Variants in SPRY4 observed in about 807,000 individuals in gnomAD.
The protein encoded by SPRY4 is protein sprouty homolog 4.
In SPRY4, 7 loss-of-function variants were observed where a neutral mutation model predicts 17.0. That is an observed-to-expected ratio of 0.41 (90% confidence interval 0.23 to 0.77). SPRY4 has a LOEUF of 0.77. Among genes scored for constraint, SPRY4 ranks in the 30% least tolerant of loss-of-function variants. The probability of loss-of-function intolerance (pLI) is 0.32; values close to 1 mark genes in which losing one functional copy is unlikely to be tolerated. For synonymous variants in SPRY4, 183 were observed against 174.1 expected, an observed-to-expected ratio of 1.05 and a Z score of -0.40; for missense variants, 435 against 419.9, an observed-to-expected ratio of 1.04 and a Z score of -0.31.
chr5:142,311,066 C>G lies in SPRY4; in HGVS notation c.*3143G>C, dbSNP rs920364539. ...GGCCTCACTCGAGGTATGATGGCGA[C>G]TGACAGGCTCCACAAGGCTGAAAAG... On this transcript the variant is annotated 3_prime_UTR_variant, in exon 2 of 2. Transcript: ENST00000434127. 1.3e-5 allele frequency: 2 copies of G among 152,228 alleles called. No homozygotes were observed. The highest frequency in any genetic ancestry group is 2.9e-5 in the Non-Finnish European group (2 of 68,076). The allele number at this position is 152,228 out of a possible 1,614,324, so 9.4% of individuals were successfully genotyped here.
chr5:142,314,691 G>T lies in SPRY4; in HGVS notation c.418C>A (p.Pro140Thr), dbSNP rs1454711390. 2 of 1,614,150 alleles carry T rather than the reference G, an allele frequency of 1.2e-6. No homozygotes were observed. Among genetic ancestry groups the T allele is most frequent in the African/African-American group, 1.3e-5 (1 of 75,064 alleles). ...RIQPKVVHCQPLDLKGPAVPP... is the reference protein window; with the variant it reads ...RIQPKVVHCQTLDLKGPAVPP... ...ACCGCCGGGCCCTTGAGGTCCAGCG[G>T]CTGGCAGTGGACCACCTTGGGCTGG... Residue 140 changes from proline to threonine, a missense_variant, in exon 2 of 2, where the codon CCG becomes ACG. By Grantham distance (38) the Pro-to-Thr change is conservative. Coordinates refer to ENST00000434127, the MANE Select transcript of SPRY4 (RefSeq NM_001127496.3). This position sits in a 1 kb window ranked among gnomAD's most constrained non-coding sequence, Gnocchi z 4.8.
Position 142,315,168 on chromosome 5 carries a change from TG to T in SPRY4, c.-47-14del. 1 of 1,445,350 alleles carries T rather than the reference TG, an allele frequency of 6.9e-7. No homozygotes were observed. The highest frequency in any genetic ancestry group is 9.5e-7 in the Non-Finnish European group (1 of 1,054,684). The allele number at this position is 1,445,350 out of a possible 1,614,324, so 89.5% of individuals were successfully genotyped here. A position where few individuals can be genotyped will look rare whatever the true frequency, so the allele number is the denominator to read the frequency against. ...GCTTCTAGGGGCCCTGGGGGTGGGG[TG>T]GGGAAAAGGAAGAGAGAATGGATTC... On this transcript the variant is annotated splice_polypyrimidine_tract_variant and intron_variant, in intron 1 of 1. Coordinates refer to ENST00000434127, the MANE Select transcript of SPRY4 (RefSeq NM_001127496.3).
At position 142,313,788 on chromosome 5, in the gene SPRY4, A is replaced by C; in HGVS notation, c.*421T>G. On this transcript the variant is annotated 3_prime_UTR_variant, in exon 2 of 2. Transcript: ENST00000434127. Reference sequence around the variant, plus strand: ...AGTTAACAATTCCTCCCAGGCAGCTAGCTCCTGTGAGAGCCAAAGACAATG... The same window carrying C: ...AGTTAACAATTCCTCCCAGGCAGCTCGCTCCTGTGAGAGCCAAAGACAATG... 6.5e-6 allele frequency: 1 copy of C among 152,804 alleles called. No homozygotes were observed. The allele number at this position is 152,804 out of a possible 1,614,324, so 9.5% of individuals were successfully genotyped here. A position where few individuals can be genotyped will look rare whatever the true frequency, so the allele number is the denominator to read the frequency against.
intron 1 of SPRY4, chr5:142,318,337 T>C (rs1759229696): frequency 4.0e-6 from 1 of 252,762 alleles, no homozygotes; most frequent in Non-Finnish European, 6.2e-6. Flanking sequence ...AATACAAAAA[T>C]TAGCCAGGCA....
In SPRY4 at chr5:142,314,522, T is replaced by C. The variant is rs1759063312; in HGVS notation, c.587A>G (p.Tyr196Cys). ...CTGCACCAAACACATGCACGTGCCATAGTTGACCAGAGTCTGGGCTGAGCA... is the reference window on the plus strand; with the variant it reads ...CTGCACCAAACACATGCACGTGCCACAGTTGACCAGAGTCTGGGCTGAGCA... ...CLCSAQTLVN[Y>C]GTCMCLVQGI... The change falls in exon 2 of 2, where the codon TAT becomes TGT. Residue 196 changes from tyrosine to cysteine, a missense_variant. Tyr to Cys is a radical substitution (Grantham distance 194). Transcript: ENST00000434127. This position sits in a 1 kb window ranked among gnomAD's most constrained non-coding sequence, Gnocchi z 4.8. 3.1e-6 allele frequency: 5 copies of C among 1,614,172 alleles called. No individual in the cohort carries two copies. Among genetic ancestry groups the C allele is most frequent in the South Asian group, 1.1e-5 (1 of 91,082 alleles).
intron 1 of SPRY4, chr5:142,317,069 T>C: frequency 5.1e-6 from 5 of 985,484 alleles, no homozygotes; most frequent in Non-Finnish European, 4.8e-6. Context: ...ACCTTAAGTG[T>C]CTGGCAGGTC....
chr5:142,314,993 G>C lies in SPRY4; in HGVS notation c.116C>G (p.Pro39Arg), dbSNP rs1759096328. Residue 39 changes from proline (P) to arginine (R), a missense_variant, in exon 2 of 2, where the codon CCC becomes CGC. Pro to Arg is a moderately radical substitution (Grantham distance 103). Coordinates refer to ENST00000434127, the MANE Select transcript of SPRY4 (RefSeq NM_001127496.3). The surrounding 1 kb of genome is among the most constrained non-coding windows in gnomAD (Gnocchi z 4.8). ...ATGGCTGGTCTTCACCTGGTCAATG[G>C]GTAGGATGGTGAGTGGGTGCTGGAG... ...SRLQHPLTIL[P>R]IDQVKTSHVE... 6.2e-7 allele frequency: 1 copy of C among 1,614,026 alleles called. No homozygotes were observed. Among genetic ancestry groups the C allele is most frequent in the Non-Finnish European group, 8.5e-7 (1 of 1,180,036 alleles).
chr5:142,324,735 A>G (rs976981587), intron 1 of SPRY4, 109 bp downstream of exon 1: 56 of 152,676 alleles, frequency 3.7e-4, no homozygotes, highest in African/African-American at 1.2e-3. Context: ...GGGAAGGAAC[A>G]CTGAGGCGCG....
intron 1 of SPRY4, among the ~76,000 whole-genome samples, chr5:142,321,174 C>T (rs915727487): frequency 6.6e-6 from 1 of 152,186 alleles, no homozygotes; most frequent in African/African-American, 2.4e-5. Flanking sequence ...CGCAACACCC[C>T]ACACCTCCTG....
chr5:142,311,553 T>A lies in SPRY4; in HGVS notation c.*2656A>T, dbSNP rs1237176700. 1.5e-5 allele frequency: 2 copies of A among 137,488 alleles called. No homozygotes were observed. Among genetic ancestry groups the A allele is most frequent in the African/African-American group, 5.1e-5 (2 of 39,366 alleles). 8.5% of individuals were successfully genotyped at this position (137,488 alleles called of 1,614,324 possible). A position where few individuals can be genotyped will look rare whatever the true frequency, so the allele number is the denominator to read the frequency against. On this transcript the variant is annotated 3_prime_UTR_variant, in exon 2 of 2. Coordinates refer to ENST00000434127, the MANE Select transcript of SPRY4 (RefSeq NM_001127496.3). ...GGGGAGGGTCCACAGGCAAGCCAGT[T>A]TATCCTTCTGTTTGTTGTTGTTGTT...
intron 1 of SPRY4, 165 bp from the exon 2 acceptor site, chr5:142,315,320 A>C: frequency 1.7e-6 from 1 of 580,198 alleles, no homozygotes; most frequent in Non-Finnish European, 3.1e-6. Flanking sequence ...AAGATGATTA[A>C]TAATGACAAG....
At position 142,313,714 on chromosome 5, in the gene SPRY4, G is replaced by T. The variant is rs918244042; in HGVS notation, c.*495C>A. 5 of 158,886 alleles carry T rather than the reference G, an allele frequency of 3.1e-5. No individual in the cohort carries two copies. The highest frequency in any genetic ancestry group is 7.0e-5 in the Non-Finnish European group (5 of 71,698). The allele number at this position is 158,886 out of a possible 1,614,324, so 9.8% of individuals were successfully genotyped here. On this transcript the variant is annotated 3_prime_UTR_variant, in exon 2 of 2. Coordinates refer to ENST00000434127, the MANE Select transcript of SPRY4 (RefSeq NM_001127496.3). The stretch of plus-strand genomic sequence containing the variant: ...GGTGGAGTGAGATGGGGAAGGAGAA[G>T]AAGGTATAGAAGACTCCAAGGGTCT...
Position 142,314,337 on chromosome 5 carries a change from C to G in SPRY4, c.772G>C (p.Val258Leu). The change falls in exon 2 of 2, where the codon GTG becomes CTG. Residue 258 changes from valine to leucine, a missense_variant. Coordinates refer to ENST00000434127, the MANE Select transcript of SPRY4 (RefSeq NM_001127496.3). The surrounding 1 kb of genome is among the most constrained non-coding windows in gnomAD (Gnocchi z 4.8). ...LLCYLPATGC[V>L]KLAQRGYDRL... Reference sequence around the variant, plus strand: ...TCGTAGCCACGCTGGGCCAGCTTCACGCAGCCGGTGGCAGGCAGGTAGCAG... The same window carrying G: ...TCGTAGCCACGCTGGGCCAGCTTCAGGCAGCCGGTGGCAGGCAGGTAGCAG... 6.2e-7 allele frequency: 1 copy of G among 1,614,048 alleles called. No individual in the cohort carries two copies. The highest frequency in any genetic ancestry group is 8.5e-7 in the Non-Finnish European group (1 of 1,179,986).
chr5:142,317,944 C>G (rs1759213683), intron 1 of SPRY4: 1 of 985,274 alleles, frequency 1.0e-6, no homozygotes, highest in Admixed American at 6.2e-5. Flanking sequence ...GATGGCTCCA[C>G]TGGGCATATT....
intron 1 of SPRY4, among the ~76,000 whole-genome samples, chr5:142,321,621 G>T (rs906886436): frequency 7.9e-5 from 12 of 152,286 alleles, no homozygotes; most frequent in Non-Finnish European, 1.2e-4. Context: ...CAAATTCAGA[G>T]GCCTGGGCGA....
rs1209323085 is a variant in SPRY4, at chr5:142,313,783, C to G, written c.*426G>C. The G allele has an allele frequency of 6.1e-6, 1 of 163,882 alleles. No homozygotes were observed. The highest frequency in any genetic ancestry group is 1.2e-5 in the Non-Finnish European group (1 of 83,414). The allele number at this position is 163,882 out of a possible 1,614,324, so 10.2% of individuals were successfully genotyped here. ...TACTCAGTTAACAATTCCTCCCAGG[C>G]AGCTAGCTCCTGTGAGAGCCAAAGA... On this transcript the variant is annotated 3_prime_UTR_variant, in exon 2 of 2. Transcript: ENST00000434127.
At chr5:142,315,206 A>G (rs781781435) in intron 1 of SPRY4, 51 bp from the exon 2 acceptor site, 173 of 1,235,888 alleles carry the variant, frequency 1.4e-4, no homozygotes, top group Middle Eastern at 2.4e-4. Flanking sequence ...AGGCATCAGT[A>G]TGTGGCCTGC....
At position 142,312,489 on chromosome 5, in the gene SPRY4, T is replaced by C. The variant is rs945262659; in HGVS notation, c.*1720A>G. The C allele has an allele frequency of 3.7e-4, 56 of 152,302 alleles. No individual in the cohort carries two copies. The highest frequency in any genetic ancestry group is 1.3e-3 in the African/African-American group (56 of 41,556). 9.4% of individuals were successfully genotyped at this position (152,302 alleles called of 1,614,324 possible). A position where few individuals can be genotyped will look rare whatever the true frequency, so the allele number is the denominator to read the frequency against. ...CTTCAAGAAGGAAAAAATAAGTCCT[T>C]GAGAAGCATTAGGTGCCTATCATAG... is the stretch of plus-strand genomic sequence containing the variant. On this transcript the variant is annotated 3_prime_UTR_variant, in exon 2 of 2. Coordinates refer to ENST00000434127, the MANE Select transcript of SPRY4 (RefSeq NM_001127496.3).
At chr5:142,319,723 T>G in intron 1 of SPRY4, 1 of 1,611,208 alleles carries the variant, frequency 6.2e-7, no homozygotes, top group African/African-American at 1.3e-5. Context: ...CCAGCCAGTC[T>G]GACACTCACT....
Sources: allele counts gnomAD v4.1 joint callset (sites outside exome capture counted in the v4.1 genomes callset), GRCh38; gene constraint gnomAD v4.1.1; non-coding constraint Gnocchi (gnomAD v3.1); transcripts MANE v1.5; gene names NCBI Gene and HGNC (gene_info 2026-07-23, HGNC 2026-07-21).